DOCK1: variants seen among roughly 807,000 people sequenced by gnomAD.
The protein encoded by DOCK1 is dedicator of cytokinesis 1, also known as dedicator of cytokinesis protein 1.
A neutral mutation model predicts 262.7 loss-of-function variants in DOCK1; 138 were observed. The observed-to-expected ratio is 0.53, with a 90% CI of 0.46 to 0.61. DOCK1 has a LOEUF of 0.61. Among genes scored for constraint, DOCK1 ranks in the 20% least tolerant of loss-of-function variants. The pLI is 0.00. For synonymous variants in DOCK1, 866 were observed against 867.4 expected, an observed-to-expected ratio of 1.00 and a Z score of 0.03; for missense variants, 1,908 against 2,370.7, an observed-to-expected ratio of 0.80 and a Z score of 4.05.
chr10:127,290,980 T>C (rs1212758104), intron 29 of DOCK1, among the ~76,000 whole-genome samples: 1 of 152,200 alleles, frequency 6.6e-6, no homozygotes, highest in African/African-American at 2.4e-5. Flanking sequence ...ATTGCATGTT[T>C]AGTTTTGTAA....
intron 29 of DOCK1, among the ~76,000 whole-genome samples, chr10:127,317,069 A>T (rs1335191703): frequency 7.0e-6 from 1 of 143,490 alleles, no homozygotes; most frequent in East Asian, 2.1e-4. Context: ...GACAGACCTT[A>T]GGAAAGCTAT....
At chr10:126,924,830 G>A (rs964848325) in intron 1 of DOCK1, among the ~76,000 whole-genome samples, 1 of 152,174 alleles carries the variant, frequency 6.6e-6, no homozygotes, top group Non-Finnish European at 1.5e-5. Flanking sequence ...TCAGAGTGAA[G>A]GATCTAAGTC....
intron 23 of DOCK1, among the ~76,000 whole-genome samples, chr10:127,080,116 A>C (rs1268096111): frequency 6.6e-6 from 1 of 152,134 alleles, no homozygotes; most frequent in Non-Finnish European, 1.5e-5. Context: ...ATGCAAAAAT[A>C]TAAACAGGAT....
chr10:126,953,080 GGTA>G (rs2036449272), intron 1 of DOCK1, among the ~76,000 whole-genome samples: 1 of 151,136 alleles, frequency 6.6e-6, no homozygotes, highest in African/African-American at 2.4e-5. Context: ...TGGTAGTGGT[GGTA>G]GTATTTTGGT....
At chr10:127,399,737 T>TA (rs1036980972) in intron 38 of DOCK1, among the ~76,000 whole-genome samples, 11 of 150,606 alleles carry the variant, frequency 7.3e-5, no homozygotes, top group African/African-American at 1.5e-4. Context: ...GCAGAAAATT[T>TA]AAAAAAAAAT....
chr10:126,945,667 G>A (rs1037911059), intron 1 of DOCK1, among the ~76,000 whole-genome samples: 169 of 152,300 alleles, frequency 1.1e-3, no homozygotes, highest in Admixed American at 2.4e-3. Flanking sequence ...CTCTTTACCT[G>A]TGGACATGCT....
At chr10:127,049,082 C>A (rs879453680) in intron 21 of DOCK1, among the ~76,000 whole-genome samples, 3 of 152,042 alleles carry the variant, frequency 2.0e-5, no homozygotes, top group Non-Finnish European at 4.4e-5. Flanking sequence ...ATATAAAAAG[C>A]CCTCCTGAAT....
At chr10:127,295,442 CA>C (rs2061473550) in intron 29 of DOCK1, among the ~76,000 whole-genome samples, 2 of 152,128 alleles carry the variant, frequency 1.3e-5, no homozygotes, top group Non-Finnish European at 2.9e-5. Flanking sequence ...CACTATGCCC[CA>C]TCTCCAGCAT....
At chr10:126,975,438 C>T (rs2038450271) in intron 2 of DOCK1, among the ~76,000 whole-genome samples, 1 of 152,166 alleles carries the variant, frequency 6.6e-6, no homozygotes, top group African/African-American at 2.4e-5. Context: ...CTGGTTGCCG[C>T]AGTGGACACT....
At chr10:127,332,191 G>C (rs2063014178) in intron 29 of DOCK1, among the ~76,000 whole-genome samples, 1 of 152,158 alleles carries the variant, frequency 6.6e-6, no homozygotes, top group Non-Finnish European at 1.5e-5. Flanking sequence ...GGAGACCCAA[G>C]TGGGGATGAC....
At chr10:127,298,583 A>G (rs907675935) in intron 29 of DOCK1, among the ~76,000 whole-genome samples, 1 of 152,098 alleles carries the variant, frequency 6.6e-6, no homozygotes, top group African/African-American at 2.4e-5. Context: ...CTGGGCCATA[A>G]ATTGTCTCGT....
chr10:127,260,867 GTGCA>G (rs2060021682), intron 29 of DOCK1, among the ~76,000 whole-genome samples: 1 of 118,774 alleles, frequency 8.4e-6, no homozygotes, highest in African/African-American at 3.4e-5. Context: ...ATCTGTGTGT[GTGCA>G]TGTGTGTGTG....
chr10:126,914,816 G>C (rs2032268924), intron 1 of DOCK1, among the ~76,000 whole-genome samples: 1 of 152,200 alleles, frequency 6.6e-6, no homozygotes, highest in Non-Finnish European at 1.5e-5. Context: ...TTTCATTTGT[G>C]TCAAAGTGGG....
chr10:127,281,401 A>G (rs1375835412), intron 29 of DOCK1, among the ~76,000 whole-genome samples: 3 of 152,234 alleles, frequency 2.0e-5, no homozygotes, highest in African/African-American at 7.2e-5. Context: ...CTCACAAACA[A>G]CAAACACTGC....
chr10:126,945,393 C>T lies in DOCK1; in HGVS notation c.47-25309C>T, dbSNP rs986985132. On this transcript the variant is annotated intron_variant, in intron 1 of 51. Coordinates refer to ENST00000623213, the MANE Select transcript of DOCK1 (RefSeq NM_001290223.2). ...TCATGTAGGGCTGGTTTTGTCACAGCAGGTGAGTGGGAGGCAGAGGGTGCA... is the reference window on the plus strand; with the variant it reads ...TCATGTAGGGCTGGTTTTGTCACAGTAGGTGAGTGGGAGGCAGAGGGTGCA... Among the ~76,000 whole-genome samples, 269 of 150,574 alleles carry T rather than the reference C, an allele frequency of 1.8e-3. 1 individual carries two copies. The highest frequency in any genetic ancestry group is 6.3e-3 in the African/African-American group (256 of 40,910).
chr10:127,445,307 A>G (rs1183121585), intron 50 of DOCK1, among the ~76,000 whole-genome samples: 1 of 152,106 alleles, frequency 6.6e-6, no homozygotes, highest in East Asian at 1.9e-4. Flanking sequence ...CCCTGTGGCG[A>G]GGGCTGTGCA....
At chr10:127,218,609 C>T (rs1202464449) in intron 27 of DOCK1, among the ~76,000 whole-genome samples, 3 of 152,174 alleles carry the variant, frequency 2.0e-5, no homozygotes, top group Non-Finnish European at 4.4e-5. Flanking sequence ...TTTTTCAAAG[C>T]TCACACATGA....
chr10:127,359,097 A>C (rs1156293794), intron 32 of DOCK1, among the ~76,000 whole-genome samples: 1 of 152,104 alleles, frequency 6.6e-6, no homozygotes, highest in Non-Finnish European at 1.5e-5. Context: ...GTTCATCATT[A>C]AATTTGAGCA....
At chr10:127,314,411 GC>G (rs2062185381) in intron 29 of DOCK1, among the ~76,000 whole-genome samples, 1 of 152,220 alleles carries the variant, frequency 6.6e-6, no homozygotes, top group Non-Finnish European at 1.5e-5. Flanking sequence ...CGCAGTGCCT[GC>G]CGGCCTCCAG....
Sources: gnomAD v4.1 joint callset for allele counts (sites outside exome capture counted in the v4.1 genomes callset) on GRCh38, gnomAD v4.1.1 for gene constraint, MANE v1.5 for transcripts, NCBI Gene and HGNC (gene_info 2026-07-23, HGNC 2026-07-21) for gene names.